The following ZNF827 variants were observed in gnomAD, a reference collection of about 807,000 sequenced individuals.
ZNF827 encodes the protein zinc finger protein 827.
A neutral mutation model predicts 102.4 loss-of-function variants in ZNF827; 13 were observed. The observed-to-expected ratio is 0.13, with a 90% CI of 0.08 to 0.20. The LOEUF (loss-of-function observed/expected upper bound fraction) is 0.20, where lower values mean the gene tolerates loss of function less well. Among genes scored for constraint, ZNF827 ranks in the 10% least tolerant of loss-of-function variants. ZNF827 has a pLI of 1.00. For synonymous variants in ZNF827, 523 were observed against 536.2 expected (o/e 0.98, Z 0.34); for missense variants, 1,103 against 1,344.4 (o/e 0.82, Z 2.81).
chr4:145,835,722 C>G (rs1373348615), intron 7 of ZNF827, among the ~76,000 whole-genome samples: 4 of 120,826 alleles, frequency 3.3e-5, no homozygotes, highest in African/African-American at 6.1e-5. Flanking sequence ...ACCCTTACCC[C>G]ACTCAACGCC....
At chr4:145,814,162 T>C (rs1266531751) in intron 8 of ZNF827, among the ~76,000 whole-genome samples, 1 of 152,226 alleles carries the variant, frequency 6.6e-6, no homozygotes, top group East Asian at 1.9e-4. Flanking sequence ...GTAAGTATCA[T>C]GAAAATTATC....
intron 1 of ZNF827, among the ~76,000 whole-genome samples, chr4:145,937,927 GC>G (rs1754339803): frequency 1.4e-5 from 2 of 147,588 alleles, no homozygotes; most frequent in Admixed American, 1.3e-4. Context: ...ACCCTCAGGC[GC>G]CGGAATCCAC....
intron 1 of ZNF827, chr4:145,907,134 GA>G: frequency 2.2e-6 from 1 of 456,262 alleles, no homozygotes; most frequent in South Asian, 1.6e-5. Flanking sequence ...AGAGGGTGGG[GA>G]AAAATTATAA....
intron 4 of ZNF827, 115 bp from the exon 5 acceptor site, chr4:145,870,593 G>A (rs1018787436): frequency 2.2e-6 from 2 of 890,830 alleles, no homozygotes; most frequent in Non-Finnish European, 3.4e-6. Context: ...CAACCGGAGG[G>A]ATCACAACCT....
intron 1 of ZNF827, among the ~76,000 whole-genome samples, chr4:145,933,869 T>C (rs1753979460): frequency 6.6e-6 from 1 of 151,852 alleles, no homozygotes; most frequent in Non-Finnish European, 1.5e-5. Context: ...TGTAAAACCG[T>C]TCATAAAGTG....
At chr4:145,793,268 TTA>T (rs1374403075) in intron 8 of ZNF827, among the ~76,000 whole-genome samples, 3 of 102,140 alleles carry the variant, frequency 2.9e-5, no homozygotes, top group East Asian at 2.8e-4. Context: ...TATATATCTC[TTA>T]TATATATATA....
intron 1 of ZNF827, among the ~76,000 whole-genome samples, chr4:145,904,762 GT>G (rs1362742884): frequency 2.0e-5 from 3 of 152,230 alleles, no homozygotes; most frequent in Admixed American, 2.0e-4. Flanking sequence ...TGGTGCAGGA[GT>G]GGGGTCACAC....
chr4:145,937,263 G>T (rs533274030), intron 1 of ZNF827, among the ~76,000 whole-genome samples: 1 of 151,868 alleles, frequency 6.6e-6, no homozygotes, highest in African/African-American at 2.4e-5. Flanking sequence ...GGGCCGTGCC[G>T]GCGGGTGTGT....
In ZNF827 at chr4:145,892,351, C is replaced by T. The variant is rs765203428; in HGVS notation, c.1158G>A (p.Lys386=). The T allele has an allele frequency of 3.7e-6, 6 of 1,614,220 alleles. No individual in the cohort carries two copies. In the South Asian group the frequency reaches 5.5e-5, roughly 15 times the overall value. Residue 386 remains lysine, a synonymous_variant, in exon 3 of 15, where the codon AAG becomes AAA. Coordinates refer to ENST00000508784, the MANE Select transcript of ZNF827 (RefSeq NM_001306215.2). ...CPICGLVIKR[K]SYWKRHMVIH... The stretch of plus-strand genomic sequence containing the variant: ...TCACCATGTGCCGCTTCCAGTAACT[C>T]TTCCTTTTAATAACCAAACCACATA...
chr4:145,841,681 C>T (rs186617920), intron 7 of ZNF827, among the ~76,000 whole-genome samples: 69 of 152,258 alleles, frequency 4.5e-4, no homozygotes, highest in Middle Eastern at 3.4e-3. Flanking sequence ...TTAGCATTTA[C>T]GGTGAAGTTG....
rs192436527 is a variant in ZNF827, at chr4:145,934,002, A to C, written c.43+4363T>G. 9.8e-5 allele frequency among the ~76,000 whole-genome samples: 15 copies of C among 152,332 alleles called. No homozygotes were observed. The East Asian group carries it at 2.7e-3, about 27-fold the overall frequency. Reference sequence around the variant, plus strand: ...GTTCAGGATTCTGCTAAAGACAAGCAGGTGATATAGCTCAAAGGGCCTCTT... The same window carrying C: ...GTTCAGGATTCTGCTAAAGACAAGCCGGTGATATAGCTCAAAGGGCCTCTT... On this transcript the variant is annotated intron_variant, in intron 1 of 14. Transcript: ENST00000508784.
chr4:145,790,286 G>A (rs1230714931), intron 8 of ZNF827, among the ~76,000 whole-genome samples: 1 of 152,072 alleles, frequency 6.6e-6, no homozygotes, highest in Non-Finnish European at 1.5e-5. Flanking sequence ...GTTTGTCATT[G>A]AACTAGGTTT....
intron 8 of ZNF827, among the ~76,000 whole-genome samples, chr4:145,818,993 C>G (rs772683987): frequency 2.6e-5 from 4 of 152,072 alleles, no homozygotes; most frequent in Non-Finnish European, 4.4e-5. Context: ...CATAGCAGGT[C>G]CTGAAAGAAA....
intron 5 of ZNF827, among the ~76,000 whole-genome samples, chr4:145,858,641 C>CA (rs57745840): frequency 0.22 from 20,110 of 92,682 alleles, 2,036 homozygotes; most frequent in Non-Finnish European, 0.32. Context: ...GACCCTGTCT[C>CA]AAAAAAAAAA....
At chr4:145,919,114 A>G (rs1160206168) in intron 1 of ZNF827, among the ~76,000 whole-genome samples, 1 of 152,036 alleles carries the variant, frequency 6.6e-6, no homozygotes, top group African/African-American at 2.4e-5. Context: ...AAAATTACCC[A>G]GGACTGGTGG....
At chr4:145,860,600 G>A (rs763718501) in intron 5 of ZNF827, among the ~76,000 whole-genome samples, 5 of 152,156 alleles carry the variant, frequency 3.3e-5, no homozygotes, top group Non-Finnish European at 5.9e-5. Flanking sequence ...AGTGATACAA[G>A]CATATGGCAA....
intron 5 of ZNF827, among the ~76,000 whole-genome samples, chr4:145,852,860 T>C (rs1359518306): frequency 6.6e-6 from 1 of 152,226 alleles, no homozygotes; most frequent in African/African-American, 2.4e-5. Context: ...CTCAAATTCC[T>C]GGCCTCAAGC....
intron 13 of ZNF827, among the ~76,000 whole-genome samples, chr4:145,764,148 G>A (rs1449590589): frequency 1.3e-5 from 2 of 152,142 alleles, no homozygotes; most frequent in Admixed American, 1.3e-4. Flanking sequence ...CAACATGATC[G>A]TTTAGCTGAG....
intron 7 of ZNF827, among the ~76,000 whole-genome samples, chr4:145,837,610 T>G (rs1272605670): frequency 6.6e-6 from 1 of 152,176 alleles, no homozygotes; most frequent in African/African-American, 2.4e-5. Flanking sequence ...ACAGCTGATA[T>G]CTCCTGGTGC....
Sources: gnomAD v4.1 joint callset for allele counts (sites outside exome capture counted in the v4.1 genomes callset) on GRCh38, gnomAD v4.1.1 for gene constraint, MANE v1.5 for transcripts, NCBI Gene and HGNC (gene_info 2026-07-23, HGNC 2026-07-21) for gene names.